FLNB: variants seen among roughly 807,000 people sequenced by gnomAD.
The protein encoded by FLNB is filamin B, also known as filamin-B.
Under a neutral mutation model 250.6 loss-of-function variants are expected in FLNB, and 111 were observed. That is an observed-to-expected ratio of 0.44 (90% CI 0.38 to 0.52). The LOEUF is 0.52. FLNB is among the 20% of genes least tolerant of loss of function. The pLI, the probability that FLNB is intolerant of heterozygous loss-of-function variation, is 0.00. For missense variants in FLNB, 2,869 were observed against 3,447.8 expected, an observed-to-expected ratio of 0.83 and a Z score of 4.20; for synonymous variants, 1,302 against 1,372.1, an observed-to-expected ratio of 0.95 and a Z score of 1.13.
At chr3:58,044,991 G>C (rs1267546955) in intron 1 of FLNB, among the ~76,000 whole-genome samples, 1 of 152,226 alleles carries the variant, frequency 6.6e-6, no homozygotes, top group African/African-American at 2.4e-5. Context: ...CTTTGGCTCT[G>C]TGGAGTTTTG....
rs547963189 is a variant in FLNB, at chr3:58,082,008, AT to A, written c.787+236del. On this transcript the variant is annotated intron_variant, in intron 4 of 45. Transcript: ENST00000295956. ...GAAAGGGCAAGTTTGCTGCTTGGTG[AT>A]TTTAGTGCAGTAGCCCATTGCTCCC... 0.018 allele frequency among the ~76,000 whole-genome samples: 2,676 copies of A among 152,236 alleles called. 25 individuals carry two copies. Among genetic ancestry groups the A allele is most frequent in the Middle Eastern group, 0.031 (9 of 294 alleles).
intron 4 of FLNB, among the ~76,000 whole-genome samples, chr3:58,085,590 G>C (rs1035290523): frequency 2.6e-5 from 4 of 152,234 alleles, no homozygotes; most frequent in Non-Finnish European, 4.4e-5. Flanking sequence ...GGGTTGAAAG[G>C]AGAGAGGGCT....
intron 1 of FLNB, among the ~76,000 whole-genome samples, chr3:58,020,516 T>A (rs2097112330): frequency 6.6e-6 from 1 of 152,186 alleles, no homozygotes; most frequent in Non-Finnish European, 1.5e-5. Flanking sequence ...TCCCCAGCCG[T>A]CGCAGGGCTG....
chr3:58,114,803 T>C (rs2097275110), intron 18 of FLNB, among the ~76,000 whole-genome samples: 1 of 152,064 alleles, frequency 6.6e-6, no homozygotes, highest in African/African-American at 2.4e-5. Context: ...ATTTTCCTAA[T>C]GATTAGTGAT....
chr3:58,116,483 C>T (rs535469929), intron 18 of FLNB, among the ~76,000 whole-genome samples: 2 of 152,154 alleles, frequency 1.3e-5, no homozygotes, highest in Non-Finnish European at 2.9e-5. Flanking sequence ...TGGTTTTGCT[C>T]CCTGACACCT....
intron 1 of FLNB, among the ~76,000 whole-genome samples, chr3:58,046,309 A>T (rs907463660): frequency 4.6e-5 from 7 of 152,128 alleles, no homozygotes; most frequent in African/African-American, 1.7e-4. Context: ...AGGAATTTAT[A>T]GGAATTTTCT....
chr3:58,044,756 A>T (rs1387362503), intron 1 of FLNB, among the ~76,000 whole-genome samples: 1 of 152,232 alleles, frequency 6.6e-6, no homozygotes, highest in Non-Finnish European at 1.5e-5. Flanking sequence ...TGCCCAGATC[A>T]GCACCTTGGG....
At chr3:58,066,007 G>A (rs1576659359) in intron 1 of FLNB, among the ~76,000 whole-genome samples, 1 of 152,144 alleles carries the variant, frequency 6.6e-6, no homozygotes, top group African/African-American at 2.4e-5. Context: ...GCTGGGCTCT[G>A]AGCTCCTCCA....
intron 1 of FLNB, among the ~76,000 whole-genome samples, chr3:58,013,330 C>A (rs1394772514): frequency 6.6e-6 from 1 of 152,204 alleles, no homozygotes; most frequent in Non-Finnish European, 1.5e-5. Context: ...CCAGAGCAGG[C>A]AGGGTGCGTG....
In FLNB at chr3:58,109,604, A is replaced by C; in HGVS notation, c.2228A>C (p.Gln743Pro). The change falls in exon 15 of 46, where the codon CAG (glutamine) becomes CCG (proline). Residue 743 changes from glutamine to proline, a missense_variant. Coordinates refer to ENST00000295956, the MANE Select transcript of FLNB (RefSeq NM_001457.4). ...AACATCGGGCAAGGTAGCCATCCTC[A>C]GAAGGTCAAAGTGTTTGGGCCAGGT... Reference protein sequence around the residue: ...RVNIGQGSHPQKVKVFGPGVE... With the variant: ...RVNIGQGSHPPKVKVFGPGVE... 6.2e-7 allele frequency: 1 copy of C among 1,614,200 alleles called. No individual in the cohort carries two copies. Among genetic ancestry groups the C allele is most frequent in the Non-Finnish European group, 8.5e-7 (1 of 1,180,034 alleles).
At position 58,108,010 on chromosome 3, in the gene FLNB, G is replaced by A. The variant is rs555180808; in HGVS notation, c.1942-448G>A. On this transcript the variant is annotated intron_variant, in intron 12 of 45. Coordinates refer to ENST00000295956, the MANE Select transcript of FLNB (RefSeq NM_001457.4). Reference sequence around the variant, plus strand: ...AGGGAGCATGGGTTAGTTTGGGCATGGTTTTAGAACAGGGGTTTCCAATAT... The same window carrying A: ...AGGGAGCATGGGTTAGTTTGGGCATAGTTTTAGAACAGGGGTTTCCAATAT... Among the ~76,000 whole-genome samples, 5 of 152,314 alleles carry A rather than the reference G, an allele frequency of 3.3e-5. No homozygotes were observed. In the South Asian group the frequency reaches 1.0e-3, roughly 32 times the overall value.
At chr3:58,099,080 T>G (rs1199142038) in intron 8 of FLNB, among the ~76,000 whole-genome samples, 172 bp downstream of exon 8, 1 of 152,192 alleles carries the variant, frequency 6.6e-6, no homozygotes, top group Non-Finnish European at 1.5e-5. Context: ...ATATTAATAT[T>G]AATATCTTCT....
chr3:58,096,307 G>T, intron 6 of FLNB, 89 bp downstream of exon 6: 1 of 951,034 alleles, frequency 1.1e-6, no homozygotes, highest in South Asian at 1.4e-5. Flanking sequence ...TTTCTTAAGT[G>T]AATTTCTGAT....
chr3:58,098,779 G>T lies in FLNB; in HGVS notation c.1216G>T (p.Val406Leu). ...GGGGAAGAACACCGTGGAGTTGCTCGTGGAAGACAAAGGAAACCAGGTGTA... is the reference window on the plus strand; with the variant it reads ...GGGGAAGAACACCGTGGAGTTGCTCTTGGAAGACAAAGGAAACCAGGTGTA... ...PQGKNTVELL[V>L]EDKGNQVYRC... The change falls in exon 8 of 46, where the codon GTG (valine) becomes TTG (leucine). Residue 406 changes from valine (V) to leucine (L), a missense_variant. Coordinates refer to ENST00000295956, the MANE Select transcript of FLNB (RefSeq NM_001457.4). 6.2e-7 allele frequency: 1 copy of T among 1,614,184 alleles called. No homozygotes were observed. Among genetic ancestry groups the T allele is most frequent in the Non-Finnish European group, 8.5e-7 (1 of 1,180,020 alleles).
intron 24 of FLNB, 91 bp from the exon 25 acceptor site, chr3:58,130,650 G>GT (rs1326806801): frequency 7.2e-7 from 1 of 1,381,822 alleles, no homozygotes; most frequent in African/African-American, 1.4e-5. Context: ...CATGGCCGAG[G>GT]TCCCGGGGGA....
rs764813590 is a variant in FLNB at position 58,098,842 on chromosome 3, G to A, written c.1279G>A (p.Val427Met). ...CAAACCCATGCAGCCTGGCCCTCAC[G>A]TGGTCAAGATCTTCTTTGCTGGGGA... The part of the protein sequence containing the change: ...VYKPMQPGPH[V>M]VKIFFAGDTI... Residue 427 changes from valine (V) to methionine (M), a missense_variant, in exon 8 of 46, where the codon GTG (valine) becomes ATG (methionine). This residue lies in a region of FLNB where 1,348 missense variants were observed against 1,466.7 expected (regional missense o/e 0.92). Transcript: ENST00000295956. 8.1e-6 allele frequency: 13 copies of A among 1,614,068 alleles called. No homozygotes were observed. In the South Asian group the frequency reaches 8.8e-5, roughly 11 times the overall value.
In FLNB at chr3:58,170,642, T is replaced by C. The variant is rs933563753; in HGVS notation, c.7689T>C (p.His2563=). 3.7e-6 allele frequency: 6 copies of C among 1,614,112 alleles called. No homozygotes were observed. The highest frequency in any genetic ancestry group is 3.3e-5 in the South Asian group (3 of 91,082). Residue 2563 remains histidine (H), a synonymous_variant, in exon 46 of 46, where the codon CAT becomes CAC. Coordinates refer to ENST00000295956, the MANE Select transcript of FLNB (RefSeq NM_001457.4). ...CCTGCGAGGAGGTCTCCATGAAGCA[T>C]GTAGGCAACCAGCAATACAACGTCA... ...TTPCEEVSMK[H]VGNQQYNVTY... is the part of the protein sequence containing the mutation.
At chr3:58,109,376 C>T in intron 14 of FLNB, 54 bp downstream of exon 14, 1 of 1,592,158 alleles carries the variant, frequency 6.3e-7, no homozygotes, top group Non-Finnish European at 8.6e-7. Flanking sequence ...GGTCATACAC[C>T]AGGTCTGGGA....
rs772596597 is a variant in FLNB, at chr3:58,168,463, A to G, written c.7222A>G (p.Asn2408Asp). The G allele has an allele frequency of 6.8e-6, 11 of 1,614,066 alleles. No individual in the cohort carries two copies. Among genetic ancestry groups the G allele is most frequent in the Non-Finnish European group, 8.5e-6 (10 of 1,179,908 alleles). Residue 2408 changes from asparagine (N) to aspartate (D), a missense_variant, in exon 44 of 46, where the codon AAC becomes GAC. Asn to Asp is a conservative substitution (Grantham distance 23). Around this residue, in one of 5 missense-constraint regions of FLNB, gnomAD observed 1,084 missense variants for 1,315.5 expected, o/e 0.82. Transcript: ENST00000295956. ...TTGIQSEFFINTTRAGPGTLS... is the reference protein window; with the variant it reads ...TTGIQSEFFIDTTRAGPGTLS... The stretch of plus-strand genomic sequence containing the variant: ...AGGTATCCAGTCGGAATTCTTTATT[A>G]ACACCACCCGAGCAGGTCCAGGGAC...
Sources: allele counts gnomAD v4.1 joint callset (sites outside exome capture counted in the v4.1 genomes callset), GRCh38; gene constraint gnomAD v4.1.1; regional missense constraint gnomAD v4.1.1; transcripts MANE v1.5; gene names NCBI Gene and HGNC (gene_info 2026-07-23, HGNC 2026-07-21).